Variants in TARP observed in about 807,000 individuals in gnomAD.
At chr7:38,266,845 C>G in the TARP span, among the ~76,000 whole-genome samples, 7 of 151,756 alleles carry the variant, frequency 4.6e-5, no homozygotes, top group Non-Finnish European at 8.8e-5. Flanking sequence ...AATTTAGAAA[C>G]AAAATGGCAA....
chr7:38,271,488 G>A, the TARP span, among the ~76,000 whole-genome samples: 1 of 151,192 alleles, frequency 6.6e-6, no homozygotes, highest in African/African-American at 2.4e-5. Flanking sequence ...ACTAACTGGA[G>A]GAGATATCGA....
chr7:38,261,870 CA>C, the TARP span, among the ~76,000 whole-genome samples: 868 of 52,450 alleles, frequency 0.017, 4 homozygotes, highest in African/African-American at 0.05. Flanking sequence ...AGACTCTGTC[CA>C]AAAAAAAAAA....
At chr7:38,272,504 A>G in the TARP span, among the ~76,000 whole-genome samples, 3 of 141,618 alleles carry the variant, frequency 2.1e-5, no homozygotes, top group African/African-American at 8.1e-5. Flanking sequence ...TGTATCTAGT[A>G]TGATTCCAAC....
At chr7:38,264,564 T>C in the TARP span, among the ~76,000 whole-genome samples, 1 of 151,198 alleles carries the variant, frequency 6.6e-6, no homozygotes, top group East Asian at 1.9e-4. Flanking sequence ...GCACACCTGC[T>C]TGGGCAACAA....
the TARP span, among the ~76,000 whole-genome samples, chr7:38,267,447 T>C: frequency 3.3e-5 from 5 of 151,796 alleles, no homozygotes; most frequent in African/African-American, 1.2e-4. Flanking sequence ...AATTTAATAA[T>C]TGAACAATTT....
the TARP span, among the ~76,000 whole-genome samples, chr7:38,260,635 G>A: frequency 6.6e-6 from 1 of 151,826 alleles, no homozygotes; most frequent in African/African-American, 2.4e-5. Flanking sequence ...GATATGTGAT[G>A]TCAAGGAATA....
the TARP span, among the ~76,000 whole-genome samples, chr7:38,261,169 C>T: frequency 7.9e-5 from 12 of 151,484 alleles, no homozygotes; most frequent in African/African-American, 1.5e-4. Context: ...TCTGCAAAGC[C>T]CATGCACCCA....
the TARP span, among the ~76,000 whole-genome samples, chr7:38,271,120 T>C: frequency 6.6e-6 from 1 of 151,384 alleles, no homozygotes; most frequent in African/African-American, 2.4e-5. Context: ...GGTCTGACTG[T>C]GCTTGTATAT....
chr7:38,264,533 G>A, the TARP span, among the ~76,000 whole-genome samples: 2 of 151,216 alleles, frequency 1.3e-5, no homozygotes, highest in Non-Finnish European at 2.9e-5. Context: ...GGAGGTTGCA[G>A]TGAGCTGAGA....
the TARP span, among the ~76,000 whole-genome samples, chr7:38,262,765 C>A: frequency 6.6e-6 from 1 of 151,486 alleles, no homozygotes; most frequent in South Asian, 2.1e-4. Flanking sequence ...TGAGATCCTC[C>A]CATCTCAGCC....
At chr7:38,262,316 G>A in the TARP span, 2 of 906,584 alleles carry the variant, frequency 2.2e-6, no homozygotes, top group Admixed American at 4.2e-5. Context: ...CAGGAGGACA[G>A]TTATTAAAAA....
the TARP span, among the ~76,000 whole-genome samples, chr7:38,268,070 C>T: frequency 2.0e-5 from 3 of 150,860 alleles, no homozygotes; most frequent in Admixed American, 6.7e-5. Context: ...TGGTAAGGGC[C>T]GATATTGTGG....
chr7:38,271,723 C>G, the TARP span, among the ~76,000 whole-genome samples: 1 of 151,166 alleles, frequency 6.6e-6, no homozygotes, highest in South Asian at 2.1e-4. Flanking sequence ...GAGACACCAT[C>G]ATAAGAGGAT....
chr7:38,264,515 C>T, the TARP span, among the ~76,000 whole-genome samples: 1 of 150,576 alleles, frequency 6.6e-6, no homozygotes, highest in Non-Finnish European at 1.5e-5. Context: ...CACTTGAACC[C>T]GGGAGGTGGA....
At chr7:38,260,731 G>T in the TARP span, among the ~76,000 whole-genome samples, 19 of 151,774 alleles carry the variant, frequency 1.3e-4, no homozygotes, top group Admixed American at 5.3e-4. Flanking sequence ...CCATTTATAT[G>T]TTTTGTCTTC....
chr7:38,263,394 A>T, the TARP span, among the ~76,000 whole-genome samples: 1 of 151,924 alleles, frequency 6.6e-6, no homozygotes, highest in African/African-American at 2.4e-5. Context: ...GACATATGAA[A>T]AGTACTTTGT....
the TARP span, among the ~76,000 whole-genome samples, chr7:38,268,713 A>G: frequency 4.6e-5 from 7 of 151,864 alleles, 1 homozygote; most frequent in South Asian, 4.2e-4. Context: ...GTGATTAAAA[A>G]GCCTGCTAAC....
chr7:38,262,785 G>T, the TARP span, among the ~76,000 whole-genome samples: 1 of 151,294 alleles, frequency 6.6e-6, no homozygotes, highest in Non-Finnish European at 1.5e-5. Context: ...CTTCTGAGTA[G>T]CTGGGAGTAC....
the TARP span, among the ~76,000 whole-genome samples, chr7:38,264,054 A>G: frequency 6.6e-5 from 10 of 151,968 alleles, no homozygotes; most frequent in Admixed American, 2.6e-4. Flanking sequence ...CCATAATAAA[A>G]TCTTCAAGTG....
Sources: gnomAD v4.1 joint callset for allele counts (sites outside exome capture counted in the v4.1 genomes callset) on GRCh38, gnomAD v4.1.1 for gene constraint, MANE v1.5 for transcripts.